Variants in SMIM7 observed in about 807,000 individuals in gnomAD.
The protein encoded by SMIM7 is UPF0608 protein C19orf42.
In SMIM7, 12 loss-of-function variants were observed where a neutral mutation model predicts 13.3. The observed-to-expected ratio is 0.90, with a 90% CI of 0.58 to 1.46. The LOEUF is 1.46. SMIM7 is among the 40% of genes most tolerant of loss of function. The pLI is 0.00. For synonymous variants in SMIM7, 36 were observed against 35.8 expected, an observed-to-expected ratio of 1.01 and a Z score of -0.02; for missense variants, 114 against 94.8, an observed-to-expected ratio of 1.20 and a Z score of -0.84.
At chr19:16,632,229 T>A (rs2086327252) in intron 4 of SMIM7, among the ~76,000 whole-genome samples, 1 of 152,056 alleles carries the variant, frequency 6.6e-6, no homozygotes, top group Non-Finnish European at 1.5e-5. Flanking sequence ...ATCAGTTATC[T>A]CAGAAGTACC....
downstream of SMIM7, chr19:16,641,126 T>C (rs2086400867): frequency 6.6e-6 from 1 of 152,174 alleles, no homozygotes; most frequent in African/African-American, 2.4e-5. Context: ...CACACCCTAG[T>C]TGAGCGGTTG....
intron 2 of SMIM7, 106 bp downstream of exon 2, chr19:16,659,853 C>T (rs2086650766): frequency 6.9e-7 from 1 of 1,447,610 alleles, no homozygotes; most frequent in Non-Finnish European, 9.4e-7. Flanking sequence ...TAGGGCGGGG[C>T]CTGCGGCTTG....
intron 4 of SMIM7, among the ~76,000 whole-genome samples, chr19:16,638,303 T>C (rs1431088828): frequency 1.6e-5 from 2 of 126,750 alleles, no homozygotes; most frequent in Non-Finnish European, 3.5e-5. Context: ...TCTTTTTTCT[T>C]TTTTTTTTTT....
At chr19:16,652,557 AG>A in intron 4 of SMIM7, 1 of 1,116,546 alleles carries the variant, frequency 9.0e-7, no homozygotes, top group Non-Finnish European at 1.1e-6. Context: ...CTTTGTTCCT[AG>A]GCAAGTCTCA....
rs1264420404 is a variant in SMIM7 at position 16,650,119 on chromosome 19, GTAAAACCTCTCCATGGTTCATTTTCTCCC to G, written c.213-2887_213-2859del. 2.0e-5 allele frequency among the ~76,000 whole-genome samples: 3 copies of G among 152,184 alleles called. No homozygotes were observed. The East Asian group carries it at 5.8e-4, about 29-fold the overall frequency. On this transcript the variant is annotated intron_variant, in intron 4 of 4. Coordinates refer to ENST00000487416, the MANE Select transcript of SMIM7 (RefSeq NM_024104.4). ...GAAGACAGACTTCCGCCTTTTACTT[GTAAAACCTCTCCATGGTTCATTTTCTCCC>G]TAACTTTTCCTCTTGTTATTTTATG...
chr19:16,659,611 C>T, intron 2 of SMIM7, 164 bp from the exon 3 acceptor site: 2 of 727,608 alleles, frequency 2.7e-6, no homozygotes, highest in Non-Finnish European at 4.6e-6. Context: ...GCCCCCACTG[C>T]CCGGACAATC....
downstream of SMIM7, among the ~76,000 whole-genome samples, chr19:16,642,980 C>T (rs1420519455): frequency 6.6e-6 from 1 of 151,956 alleles, no homozygotes; most frequent in East Asian, 1.9e-4. Context: ...TGCGCCACCA[C>T]ACCTGGCTAA....
chr19:16,651,758 A>G (rs887765100), intron 4 of SMIM7, among the ~76,000 whole-genome samples: 9 of 145,078 alleles, frequency 6.2e-5, no homozygotes, highest in African/African-American at 1.0e-4. Flanking sequence ...CGAGAATGAG[A>G]GAAGCATGCT....
At position 16,660,000 on chromosome 19, in the gene SMIM7, C is replaced by A. The variant is rs2086655506; in HGVS notation, c.27G>T (p.Gly9=). 1 of 1,613,858 alleles carries A rather than the reference C, an allele frequency of 6.2e-7. No individual in the cohort carries two copies. The highest frequency in any genetic ancestry group is 1.3e-5 in the African/African-American group (1 of 74,946). Residue 9 remains glycine (G), a splice_region_variant and synonymous_variant, in exon 2 of 5, where the codon GGG becomes GGT. Coordinates refer to ENST00000487416, the MANE Select transcript of SMIM7 (RefSeq NM_024104.4). ...CCGCCCCGGCATTCATCAGCAACGT[C>A]CTGCAGAGGGAGAATTACAGTTACT... MIGDILLF[G]TLLMNAGAVL...
chr19:16,659,894 A>T (rs1254036849), intron 2 of SMIM7, 65 bp downstream of exon 2: 2 of 1,550,412 alleles, frequency 1.3e-6, no homozygotes, highest in Admixed American at 1.9e-5. Flanking sequence ...CGCCGAGATC[A>T]CGCTTATGAG....
chr19:16,654,083 C>T lies in SMIM7; in HGVS notation c.164G>A (p.Arg55Gln), dbSNP rs779327008. 5.6e-6 allele frequency: 9 copies of T among 1,613,938 alleles called. No homozygotes were observed. The highest frequency in any genetic ancestry group is 2.2e-5 in the East Asian group (1 of 44,894). Residue 55 changes from arginine (R) to glutamine (Q), a missense_variant, in exon 4 of 5, where the codon CGA becomes CAA. Transcript: ENST00000487416. ...REFLLSLRYF[R>Q]IFIALWNIFM... Reference sequence around the variant, plus strand: ...GATGTTCCACAGGGCGATGAAGATTCGAAAGTATCTGAGGCTCAGCAAGAA... The same window carrying T: ...GATGTTCCACAGGGCGATGAAGATTTGAAAGTATCTGAGGCTCAGCAAGAA...
At chr19:16,635,578 C>G (rs2086352520) in intron 4 of SMIM7, among the ~76,000 whole-genome samples, 1 of 152,036 alleles carries the variant, frequency 6.6e-6, no homozygotes, top group South Asian at 2.1e-4. Context: ...TGCCCCAACA[C>G]AGAAGGCAAC....
chr19:16,633,509 T>TGCTGTAAATTAAACTTCC (rs2086337096), intron 4 of SMIM7, among the ~76,000 whole-genome samples: 1 of 148,214 alleles, frequency 6.7e-6, no homozygotes, highest in African/African-American at 2.5e-5. Flanking sequence ...AGTTGTACAC[T>TGCTGTAAATTAAACTTCC]GCTGTAAATT....
intron 4 of SMIM7, among the ~76,000 whole-genome samples, chr19:16,638,549 C>G (rs1051622868): frequency 6.6e-6 from 1 of 151,934 alleles, no homozygotes; most frequent in Non-Finnish European, 1.5e-5. Flanking sequence ...CTCAGGTGAT[C>G]CACCCACCTC....
At chr19:16,652,706 GC>G in intron 4 of SMIM7, 1 of 1,432,078 alleles carries the variant, frequency 7.0e-7, no homozygotes, top group Non-Finnish European at 9.1e-7. Flanking sequence ...TTCGCAAACA[GC>G]CACTGGGGTG....
chr19:16,648,280 A>G (rs2086475761), intron 4 of SMIM7, among the ~76,000 whole-genome samples: 1 of 152,046 alleles, frequency 6.6e-6, no homozygotes, highest in Admixed American at 6.6e-5. Context: ...AGCTGGGATT[A>G]CAGGCACCCG....
Position 16,654,338 on chromosome 19 carries a change from G to C in SMIM7, c.122-213C>G, listed in dbSNP as rs1357424211. ...TCCCCTGAAAGCACCAAGCCCCTCTGCCTCTGATTGGCTCAAGAAGGGGCA... is the reference window on the plus strand; with the variant it reads ...TCCCCTGAAAGCACCAAGCCCCTCTCCCTCTGATTGGCTCAAGAAGGGGCA... On this transcript the variant is annotated intron_variant, in intron 3 of 4. Coordinates refer to ENST00000487416, the MANE Select transcript of SMIM7 (RefSeq NM_024104.4). 2.6e-5 allele frequency among the ~76,000 whole-genome samples: 4 copies of C among 152,084 alleles called. No individual in the cohort carries two copies. In the East Asian group the frequency reaches 7.7e-4, roughly 29 times the overall value.
Position 16,647,255 on chromosome 19 carries a change from G to T in SMIM7, c.219C>A (p.Phe73Leu). 1 of 1,613,990 alleles carries T rather than the reference G, an allele frequency of 6.2e-7. No individual in the cohort carries two copies. Among genetic ancestry groups the T allele is most frequent in the Non-Finnish European group, 8.5e-7 (1 of 1,180,012 alleles). Reference protein sequence around the residue: ...IFMMFCMIVLFGS With the variant: ...IFMMFCMIVLLGS ...GTTTCATCGCTGGGATTCAAGAGCCGAACAGCCTGGAGAAGTCAGAGGGCA... is the reference window on the plus strand; with the variant it reads ...GTTTCATCGCTGGGATTCAAGAGCCTAACAGCCTGGAGAAGTCAGAGGGCA... Residue 73 changes from phenylalanine (F) to leucine (L), a missense_variant, in exon 5 of 5, where the codon TTC becomes TTA. By Grantham distance (22) the Phe-to-Leu change is conservative (BLOSUM62 0). Coordinates refer to ENST00000487416, the MANE Select transcript of SMIM7 (RefSeq NM_024104.4).
At chr19:16,651,278 C>CT (rs1472885885) in intron 4 of SMIM7, among the ~76,000 whole-genome samples, 2 of 152,224 alleles carry the variant, frequency 1.3e-5, no homozygotes, top group African/African-American at 4.8e-5. Flanking sequence ...CATGTCATCT[C>CT]TGTCACACAA....
Sources: gnomAD v4.1 joint callset for allele counts (sites outside exome capture counted in the v4.1 genomes callset) on GRCh38, gnomAD v4.1.1 for gene constraint, MANE v1.5 for transcripts, NCBI Gene and HGNC (gene_info 2026-07-23, HGNC 2026-07-21) for gene names.